The following PTH variants were observed in gnomAD, a reference collection of about 807,000 sequenced individuals.
PTH encodes parathyroid hormone.
In PTH, 7 loss-of-function variants were observed where a neutral mutation model predicts 7.4. The observed-to-expected ratio is 0.94, with a 90% CI of 0.53 to 1.77. PTH has a LOEUF of 1.77. PTH is among the 40% of genes most tolerant of loss of function. The pLI, the probability that PTH is intolerant of heterozygous loss-of-function variation, is 0.00. For missense variants in PTH, 128 were observed against 137.1 expected (o/e 0.93, Z 0.33); for synonymous variants, 51 against 46.6 (o/e 1.09, Z -0.39).
At position 13,492,587 on chromosome 11, in the gene PTH, G is replaced by A. The variant is rs199955107; in HGVS notation, c.166C>T (p.Arg56Cys). 8 of 1,613,958 alleles carry A rather than the reference G, an allele frequency of 5.0e-6. No individual in the cohort carries two copies. Among genetic ancestry groups the A allele is most frequent in the East Asian group, 4.5e-5 (2 of 44,888 alleles). Reference sequence around the variant, plus strand: ...TTGTGCACATCCTGCAGCTTCTTACGCAGCCATTCTACTCTCTCCATCGAG... The same window carrying A: ...TTGTGCACATCCTGCAGCTTCTTACACAGCCATTCTACTCTCTCCATCGAG... ...LNSMERVEWL[R>C]KKLQDVHNFV... The change falls in exon 3 of 3, where the codon CGT becomes TGT. Residue 56 changes from arginine (R) to cysteine (C), a missense_variant. Transcript: ENST00000282091.
At chr11:13,495,613 G>A (rs1302374032) in intron 1 of PTH, among the ~76,000 whole-genome samples, 1 of 152,032 alleles carries the variant, frequency 6.6e-6, no homozygotes. Context: ...TCAAAATTTT[G>A]ACACCGATAC....
In PTH at chr11:13,492,826, A is replaced by G. The variant is rs1847492788; in HGVS notation, c.30T>C (p.Val10=). The G allele has an allele frequency of 6.2e-7, 1 of 1,613,894 alleles. No homozygotes were observed. The highest frequency in any genetic ancestry group is 8.5e-7 in the Non-Finnish European group (1 of 1,179,974). The stretch of plus-strand genomic sequence containing the variant: ...AACAAATTGCCAACATGACAATCAT[A>G]ACTTTAGCCATGTCTTTTGCAGGTA... MIPAKDMAK[V]MIVMLAICFL... The change falls in exon 2 of 3, where the codon GTT becomes GTC. Residue 10 remains valine (V), a synonymous_variant. Transcript: ENST00000282091.
At position 13,492,841 on chromosome 11, in the gene PTH, T is replaced by C; in HGVS notation, c.15A>G (p.Lys5=). Residue 5 remains lysine (K), a synonymous_variant, in exon 2 of 3, where the codon AAA becomes AAG. Coordinates refer to ENST00000282091, the MANE Select transcript of PTH (RefSeq NM_000315.4). MIPA[K]DMAKVMIVML... ...TGACAATCATAACTTTAGCCATGTC[T>C]TTTGCAGGTATCATCTTCACTAAAA... 6.2e-7 allele frequency: 1 copy of C among 1,613,804 alleles called. No individual in the cohort carries two copies. The highest frequency in any genetic ancestry group is 8.5e-7 in the Non-Finnish European group (1 of 1,179,850).
intron 2 of PTH, 50 bp downstream of exon 2, chr11:13,492,720 A>G: frequency 4.3e-6 from 7 of 1,613,932 alleles, no homozygotes; most frequent in South Asian, 1.1e-5. Flanking sequence ...CCACTTCGAA[A>G]TGATAAAGTC....
chr11:13,494,043 G>A (rs1033387225), intron 1 of PTH, among the ~76,000 whole-genome samples: 1 of 151,042 alleles, frequency 6.6e-6, no homozygotes, highest in African/African-American at 2.4e-5. Context: ...AGTGCCTGTT[G>A]TTACCCATGT....
At chr11:13,495,072 A>G (rs1297265715) in intron 1 of PTH, among the ~76,000 whole-genome samples, 1 of 152,212 alleles carries the variant, frequency 6.6e-6, no homozygotes, top group Non-Finnish European at 1.5e-5. Flanking sequence ...GCATTTAAAA[A>G]TCATCTGATT....
At chr11:13,492,733 C>G (rs1354888681) in intron 2 of PTH, 37 bp downstream of exon 2, 3 of 1,613,732 alleles carry the variant, frequency 1.9e-6, no homozygotes, top group Non-Finnish European at 2.5e-6. Context: ...ATAAAGTCAA[C>G]ATTAAAAATC....
rs1001995677 is a variant in PTH at position 13,494,230 on chromosome 11, G to C, written c.-5-1370C>G. Among the ~76,000 whole-genome samples the C allele has an allele frequency of 5.3e-5, 8 of 152,256 alleles. 1 individual carries two copies. In the Middle Eastern group the frequency reaches 0.01, roughly 194 times the overall value. The stretch of plus-strand genomic sequence containing the variant: ...GATTTGGAGAGAAGAGTCTCCAACA[G>C]ATAAACCCACGGAGGTCACCAGCCC... On this transcript the variant is annotated intron_variant, in intron 1 of 2. Transcript: ENST00000282091.
In PTH at chr11:13,495,967, TA is replaced by T. The variant is rs1847530758; in HGVS notation, c.-63del. On this transcript the variant is annotated 5_prime_UTR_variant, in exon 1 of 3. Coordinates refer to ENST00000282091, the MANE Select transcript of PTH (RefSeq NM_000315.4). ...AGGTATGTTAGTAGCTGATGCTGAG[TA>T]AACTAAAGACAACTGATGAATTGGA... is the stretch of plus-strand genomic sequence containing the variant. 1 of 152,162 alleles carries T rather than the reference TA, an allele frequency of 6.6e-6. No homozygotes were observed. Among genetic ancestry groups the T allele is most frequent in the Non-Finnish European group, 1.5e-5 (1 of 68,014 alleles). The allele number at this position is 152,162 out of a possible 1,614,324, so 9.4% of individuals were successfully genotyped here.
At chr11:13,494,828 C>T (rs1317434558) in intron 1 of PTH, among the ~76,000 whole-genome samples, 1 of 152,054 alleles carries the variant, frequency 6.6e-6, no homozygotes, top group Non-Finnish European at 1.5e-5. Context: ...TTGAGAAATC[C>T]CCCCGCACTG....
At chr11:13,494,081 A>T (rs1847510440) in intron 1 of PTH, among the ~76,000 whole-genome samples, 1 of 151,760 alleles carries the variant, frequency 6.6e-6, no homozygotes, top group African/African-American at 2.4e-5. Flanking sequence ...AAAATAATTC[A>T]TGTTTTTTTT....
At chr11:13,493,913 C>A (rs557785077) in intron 1 of PTH, among the ~76,000 whole-genome samples, 3 of 152,230 alleles carry the variant, frequency 2.0e-5, no homozygotes, top group Admixed American at 2.0e-4. Context: ...TAAAGTCTAT[C>A]CTAGTATAGA....
Position 13,492,241 on chromosome 11 carries a change from T to G in PTH, c.*164A>C. On this transcript the variant is annotated 3_prime_UTR_variant, in exon 3 of 3. Coordinates refer to ENST00000282091, the MANE Select transcript of PTH (RefSeq NM_000315.4). ...CAAATGAATAAAAGTGGAATCAGAA[T>G]AATCAATTAAAATTGCAGTTATCAT... 1 of 711,376 alleles carries G rather than the reference T, an allele frequency of 1.4e-6. No individual in the cohort carries two copies. 44.1% of individuals were successfully genotyped at this position (711,376 alleles called of 1,614,324 possible). A position where few individuals can be genotyped will look rare whatever the true frequency, so the allele number is the denominator to read the frequency against.
rs370564990 is a variant in PTH at position 13,492,656 on chromosome 11, C to G, written c.97G>C (p.Val33Leu). The change falls in exon 3 of 3, where the codon GTG (valine) becomes CTG (leucine). Residue 33 changes from valine (V) to leucine (L), a missense_variant. Physicochemically the swap from Val to Leu is conservative, Grantham distance 32. Transcript: ENST00000282091. ...TTATGCATAAGCTGTATTTCACTCA[C>G]AGATCTCTTCCTGGGAAGAAGAGAA... ...SDGKSVKKRS[V>L]SEIQLMHNLG... 7 of 1,614,124 alleles carry G rather than the reference C, an allele frequency of 4.3e-6. No individual in the cohort carries two copies. Among genetic ancestry groups the G allele is most frequent in the African/African-American group, 2.7e-5 (2 of 75,062 alleles).
intron 1 of PTH, among the ~76,000 whole-genome samples, chr11:13,493,902 A>T (rs987935216): frequency 2.6e-5 from 4 of 152,184 alleles, no homozygotes; most frequent in African/African-American, 7.2e-5. Flanking sequence ...GACGAAGTAG[A>T]TAAAGTCTAT....
intron 1 of PTH, among the ~76,000 whole-genome samples, chr11:13,494,355 A>G (rs1439238504): frequency 6.6e-6 from 1 of 152,114 alleles, no homozygotes; most frequent in African/African-American, 2.4e-5. Flanking sequence ...CCTCTTCATT[A>G]TGTACTTCCT....
At chr11:13,493,962 G>A (rs1405135654) in intron 1 of PTH, among the ~76,000 whole-genome samples, 4 of 151,888 alleles carry the variant, frequency 2.6e-5, no homozygotes, top group Non-Finnish European at 1.5e-5. Context: ...ATATTTCCTT[G>A]TCATTTATCA....
chr11:13,494,050 A>G (rs1438399038), intron 1 of PTH, among the ~76,000 whole-genome samples: 1 of 151,762 alleles, frequency 6.6e-6, no homozygotes, highest in Non-Finnish European at 1.5e-5. Context: ...GTTGTTACCC[A>G]TGTCTCCTTG....
intron 1 of PTH, among the ~76,000 whole-genome samples, chr11:13,495,609 T>C (rs1353935255): frequency 2.0e-5 from 3 of 152,190 alleles, no homozygotes; most frequent in Admixed American, 1.3e-4. Flanking sequence ...TATTTCAAAA[T>C]TTTGACACCG....
Sources: gnomAD v4.1 joint callset for allele counts (sites outside exome capture counted in the v4.1 genomes callset) on GRCh38, gnomAD v4.1.1 for gene constraint, MANE v1.5 for transcripts, NCBI Gene and HGNC (gene_info 2026-07-23, HGNC 2026-07-21) for gene names.